The following MYBBP1A variants were observed in gnomAD, a reference collection of about 807,000 sequenced individuals.
MYBBP1A encodes MYB binding protein 1a, also known as myb-binding protein 1A.
In MYBBP1A, 147 loss-of-function variants were observed where a neutral mutation model predicts 136.3. That is an observed-to-expected ratio of 1.08 (90% CI 0.94 to 1.24). The LOEUF (loss-of-function observed/expected upper bound fraction) is 1.24, where lower values mean the gene tolerates loss of function less well. Ranked by LOEUF, MYBBP1A falls within the 50% of genes most tolerant of loss-of-function variation. MYBBP1A has a pLI of 0.00. For missense variants in MYBBP1A, 2,060 were observed against 1,727.4 expected, an observed-to-expected ratio of 1.19 and a Z score of -3.41; for synonymous variants, 947 against 735.8, an observed-to-expected ratio of 1.29 and a Z score of -4.65.
Position 4,542,517 on chromosome 17 carries a change from G to A in MYBBP1A, c.3034C>T (p.Leu1012=), listed in dbSNP as rs756748561. 1 of 1,612,520 alleles carries A rather than the reference G, an allele frequency of 6.2e-7. No individual in the cohort carries two copies. ...ATATGCTGGACCAGGATGGGGAGCA[G>A]GCTCTGACAGAGCACCTGGTGGGGA... ...FSRHPVLCQS[L]LPILVQHITG... The change falls in exon 22 of 26, where the codon CTG becomes TTG. Residue 1012 remains leucine, a synonymous_variant. Transcript: ENST00000254718.
Position 4,539,522 on chromosome 17 carries a change from C to G in MYBBP1A, c.3880G>C (p.Ala1294Pro). Reference sequence around the variant, plus strand: ...AGCCTTGCCTTTTTCCGTGCCAGCGCGGACAGTGGTGATTTGCCCAAGACC... The same window carrying G: ...AGCCTTGCCTTTTTCCGTGCCAGCGGGGACAGTGGTGATTTGCCCAAGACC... Reference protein sequence around the residue: ...KGVLGKSPLSALARKKARLSL... With the variant: ...KGVLGKSPLSPLARKKARLSL... The change falls in exon 26 of 26, where the codon GCG becomes CCG. Residue 1294 changes from alanine to proline, a missense_variant. Coordinates refer to ENST00000254718, the MANE Select transcript of MYBBP1A (RefSeq NM_014520.4). The G allele has an allele frequency of 6.2e-7, 1 of 1,614,138 alleles. No individual in the cohort carries two copies. Among genetic ancestry groups the G allele is most frequent in the South Asian group, 1.1e-5 (1 of 91,068 alleles).
chr17:4,552,726 CAG>C lies in MYBBP1A; in HGVS notation c.562-102_562-101del, dbSNP rs1907639593. The stretch of plus-strand genomic sequence containing the variant: ...GACACGGGGCCACCTGGTGAGGTAT[CAG>C]AGTCATCAGAGGCCAGTTGCTAACA... On this transcript the variant is annotated intron_variant, in intron 5 of 25. Transcript: ENST00000254718. The surrounding 1 kb of genome is among the most constrained non-coding windows in gnomAD (Gnocchi z 4.7). 2 of 1,067,418 alleles carry C rather than the reference CAG, an allele frequency of 1.9e-6. No homozygotes were observed. The highest frequency in any genetic ancestry group is 1.6e-5 in the South Asian group (1 of 61,990). 66.1% of individuals were successfully genotyped at this position (1,067,418 alleles called of 1,614,324 possible).
chr17:4,545,999 C>A, intron 13 of MYBBP1A, 57 bp from the exon 14 acceptor site: 1 of 1,531,548 alleles, frequency 6.5e-7, no homozygotes, highest in East Asian at 2.3e-5. Flanking sequence ...CCCTTCTAAA[C>A]CAGGCAAGGG....
intron 23 of MYBBP1A, 49 bp downstream of exon 23, chr17:4,541,735 G>A (rs370007688): frequency 5.0e-5 from 77 of 1,544,102 alleles, no homozygotes; most frequent in Non-Finnish European, 6.4e-5. Context: ...TCGGTCTCCC[G>A]GAGAACTGAT....
At chr17:4,542,075 T>C (rs1005708761) in intron 22 of MYBBP1A, 184 bp from the exon 23 acceptor site, 4 of 601,662 alleles carry the variant, frequency 6.6e-6, no homozygotes, top group Non-Finnish European at 2.9e-6. Flanking sequence ...CACCAAGGCC[T>C]CCCAGCTGGA....
intron 22 of MYBBP1A, 58 bp downstream of exon 22, chr17:4,542,406 G>A (rs1030313555): frequency 6.5e-7 from 1 of 1,528,082 alleles, no homozygotes; most frequent in Non-Finnish European, 8.9e-7. Context: ...CCAGTCAGAA[G>A]AGGGTTAAGC....
Position 4,554,873 on chromosome 17 carries a change from C to G in MYBBP1A, c.282G>C (p.Leu94Phe). Reference sequence around the variant, plus strand: ...AGCACCACCTCACCTGTGCCAGGGCCAAACTGTAGCAGGGCCGGGCTGTTT... The same window carrying G: ...AGCACCACCTCACCTGTGCCAGGGCGAAACTGTAGCAGGGCCGGGCTGTTT... ...GRETARPCYS[L>F]ALAQLLQSFE... The change falls in exon 2 of 26, where the codon TTG becomes TTC. Residue 94 changes from leucine to phenylalanine, a missense_variant. Leu to Phe is a conservative substitution (Grantham distance 22, BLOSUM62 0). Transcript: ENST00000254718. The G allele has an allele frequency of 1.2e-6, 2 of 1,613,558 alleles. No individual in the cohort carries two copies. Among genetic ancestry groups the G allele is most frequent in the Non-Finnish European group, 8.5e-7 (1 of 1,180,020 alleles).
In MYBBP1A at chr17:4,544,504, G is replaced by A. The variant is rs200285589; in HGVS notation, c.2624C>T (p.Thr875Met). 387 of 1,551,356 alleles carry A rather than the reference G, an allele frequency of 2.5e-4. No homozygotes were observed. Among genetic ancestry groups the A allele is most frequent in the Admixed American group, 1.9e-4 (10 of 51,290 alleles). Residue 875 changes from threonine (T) to methionine (M), a missense_variant, in exon 19 of 26, where the codon ACG (threonine) becomes ATG (methionine). Transcript: ENST00000254718. ...CCGTGCTCACGTGAAGATGCGCGCC[G>A]TCTTGTGCAGAAGGTCCTGCTCCTG... Reference protein sequence around the residue: ...SKQEQDLLHKTARIFTHHLCR... With the variant: ...SKQEQDLLHKMARIFTHHLCR...
chr17:4,542,475 G>A lies in MYBBP1A; in HGVS notation c.3076C>T (p.Pro1026Ser), dbSNP rs1906528276. The A allele has an allele frequency of 6.2e-7, 1 of 1,609,528 alleles. No individual in the cohort carries two copies. Among genetic ancestry groups the A allele is most frequent in the Admixed American group, 1.7e-5 (1 of 59,764 alleles). ...GGGAAGTCTCTCACCTGATGACGGGGCCGCACCGGGCCCGTGATATGCTGG... is the reference window on the plus strand; with the variant it reads ...GGGAAGTCTCTCACCTGATGACGGGACCGCACCGGGCCCGTGATATGCTGG... ...LVQHITGPVRPRHQACLLLQK... is the reference protein window; with the variant it reads ...LVQHITGPVRSRHQACLLLQK... The change falls in exon 22 of 26, where the codon CCC (proline) becomes TCC (serine). Residue 1026 changes from proline (P) to serine (S), a missense_variant. By Grantham distance (74) the Pro-to-Ser change is moderately conservative. Transcript: ENST00000254718.
In MYBBP1A at chr17:4,548,302, T is replaced by C. The variant is rs774489031; in HGVS notation, c.1565A>G (p.Gln522Arg). The C allele has an allele frequency of 3.7e-6, 6 of 1,612,248 alleles. No individual in the cohort carries two copies. The highest frequency in any genetic ancestry group is 3.3e-4 in the Middle Eastern group (2 of 6,062). ...AVSSAFFSLL[Q>R]TLSTQFKQAP... ...CTGCTTGAACTGCGTGCTGAGGGTC[T>C]GCAACAGACTGGGCAAGGGATGGGG... Residue 522 changes from glutamine to arginine, a missense_variant, in exon 12 of 26, where the codon CAG (glutamine) becomes CGG (arginine). Transcript: ENST00000254718. This position sits in a 1 kb window ranked among gnomAD's most constrained non-coding sequence, Gnocchi z 4.2.
At chr17:4,546,310 G>T (rs778652347) in intron 13 of MYBBP1A, among the ~76,000 whole-genome samples, 4 of 152,156 alleles carry the variant, frequency 2.6e-5, no homozygotes, top group Admixed American at 6.5e-5. Context: ...GTAGAGACGG[G>T]GTTTCACCAT....
chr17:4,549,707 C>A lies in MYBBP1A; in HGVS notation c.1320-265G>T, dbSNP rs1248206701. On this transcript the variant is annotated intron_variant, in intron 9 of 25. Transcript: ENST00000254718. Reference sequence around the variant, plus strand: ...CAGAGAATCACTTGATTGCTTGAACCCGGGAGGCAGAAGTTGCAATGAGCT... The same window carrying A: ...CAGAGAATCACTTGATTGCTTGAACACGGGAGGCAGAAGTTGCAATGAGCT... Among the ~76,000 whole-genome samples, 4 of 150,812 alleles carry A rather than the reference C, an allele frequency of 2.7e-5. No homozygotes were observed. The East Asian group carries it at 7.8e-4, about 29-fold the overall frequency.
rs775120338 is a variant in MYBBP1A, at chr17:4,541,738, G to C, written c.3195+46C>G. On this transcript the variant is annotated intron_variant, in intron 23 of 25. Coordinates refer to ENST00000254718, the MANE Select transcript of MYBBP1A (RefSeq NM_014520.4). The stretch of plus-strand genomic sequence containing the variant: ...CTTTCCCAGAGATCGGTCTCCCGGA[G>C]AACTGATTCTGAGGGGGTGGGGAAA... The C allele has an allele frequency of 5.2e-6, 8 of 1,549,964 alleles. No individual in the cohort carries two copies. The East Asian group carries it at 1.8e-4, about 35-fold the overall frequency.
chr17:4,547,506 T>TAA (rs565997444), intron 13 of MYBBP1A, among the ~76,000 whole-genome samples: 90 of 152,250 alleles, frequency 5.9e-4, no homozygotes, highest in African/African-American at 2.0e-3. Context: ...ACAGAAGACC[T>TAA]AAAGCAGCCC....
chr17:4,554,794 C>T (rs1907876380), intron 2 of MYBBP1A, 67 bp downstream of exon 2: 4 of 1,491,076 alleles, frequency 2.7e-6, no homozygotes, highest in South Asian at 2.3e-5. Context: ...AGACACCACA[C>T]CCGCCCTCCT....
chr17:4,544,698 GGGGGTGGGCGCACAGGGAGGC>G, intron 18 of MYBBP1A, 32 bp downstream of exon 18: 1 of 1,503,372 alleles, frequency 6.7e-7, no homozygotes, highest in South Asian at 1.3e-5. Context: ...ACAGGGAGGC[GGGGGTGGGCGCACAGGGAGGC>G]GGGGGTGGGT....
intron 13 of MYBBP1A, among the ~76,000 whole-genome samples, chr17:4,547,221 T>A (rs1199354650): frequency 6.6e-6 from 1 of 152,186 alleles, no homozygotes; most frequent in Non-Finnish European, 1.5e-5. Context: ...CTGCACCTTT[T>A]ATCTAAGGCT....
In MYBBP1A at chr17:4,543,116, C is replaced by T. The variant is rs201932651; in HGVS notation, c.2689G>A (p.Ala897Thr). ...RRYCHDLGERAGALHAQVERL... is the reference protein window; with the variant it reads ...RRYCHDLGERTGALHAQVERL... ...TCCACCTGGGCGTGCAGGGCCCCTG[C>T]GCGCTCACCCAAGTCGTGGCAGTAG... Residue 897 changes from alanine (A) to threonine (T), a missense_variant, in exon 20 of 26, where the codon GCA becomes ACA. By Grantham distance (58) the Ala-to-Thr change is moderately conservative. Transcript: ENST00000254718. The T allele has an allele frequency of 4.1e-5, 66 of 1,611,982 alleles. No homozygotes were observed. The highest frequency in any genetic ancestry group is 3.8e-4 in the Admixed American group (23 of 59,954).
chr17:4,539,701 G>T lies in MYBBP1A; in HGVS notation c.3701C>A (p.Ala1234Asp), dbSNP rs1030616361. Reference protein sequence around the residue: ...ANGTPTTKSPAPGAPTRSPST... With the variant: ...ANGTPTTKSPDPGAPTRSPST... Reference sequence around the variant, plus strand: ...GGGGCTCCGGGTGGGGGCGCCAGGGGCTGGACTCTTGGTGGTTGGCGTCCC... The same window carrying T: ...GGGGCTCCGGGTGGGGGCGCCAGGGTCTGGACTCTTGGTGGTTGGCGTCCC... The change falls in exon 26 of 26, where the codon GCC becomes GAC. Residue 1234 changes from alanine (A) to aspartate (D), a missense_variant. Transcript: ENST00000254718. The T allele has an allele frequency of 5.6e-6, 9 of 1,609,652 alleles. No individual in the cohort carries two copies. Among genetic ancestry groups the T allele is most frequent in the Non-Finnish European group, 7.6e-6 (9 of 1,177,166 alleles).
Sources: allele counts gnomAD v4.1 joint callset (sites outside exome capture counted in the v4.1 genomes callset), GRCh38; gene constraint gnomAD v4.1.1; non-coding constraint Gnocchi (gnomAD v3.1); transcripts MANE v1.5; gene names NCBI Gene and HGNC (gene_info 2026-07-23, HGNC 2026-07-21).